The following SPTBN5 variants were observed in gnomAD, a reference collection of about 807,000 sequenced individuals.
SPTBN5 encodes the protein spectrin beta chain, non-erythrocytic 5.
Under a neutral mutation model 477.6 loss-of-function variants are expected in SPTBN5, and 513 were observed. The ratio of observed to expected loss-of-function variants is 1.07; its 90% confidence interval spans 1.00 to 1.16. SPTBN5 has a LOEUF of 1.16. Ranked by LOEUF, SPTBN5 falls within the 50% of genes most tolerant of loss-of-function variation. The pLI, the probability that SPTBN5 is intolerant of heterozygous loss-of-function variation, is 0.00. For synonymous variants in SPTBN5, 2,169 were observed against 2,011.7 expected (o/e 1.08, Z -2.09); for missense variants, 5,062 against 4,731.8 (o/e 1.07, Z -2.05).
chr15:41,868,697 C>T (rs1042505615), intron 32 of SPTBN5, 96 bp from the exon 33 acceptor site: 4 of 1,327,390 alleles, frequency 3.0e-6, no homozygotes, highest in Non-Finnish European at 4.2e-6. Flanking sequence ...TGAGTCCACT[C>T]ACACAGCCCG....
rs1256875169 is a variant in SPTBN5, at chr15:41,865,916, A to C, written c.6823-13T>G. On this transcript the variant is annotated splice_polypyrimidine_tract_variant and intron_variant, in intron 38 of 67. Coordinates refer to ENST00000320955, the MANE Select transcript of SPTBN5 (RefSeq NM_016642.4). ...TCATCTTCACCTCCTGTGAAGGCCGAGGGTGGGGAGGGAGCGCTGTGAGCA... is the reference window on the plus strand; with the variant it reads ...TCATCTTCACCTCCTGTGAAGGCCGCGGGTGGGGAGGGAGCGCTGTGAGCA... 7.0e-6 allele frequency: 11 copies of C among 1,560,546 alleles called. No homozygotes were observed. Among genetic ancestry groups the C allele is most frequent in the Non-Finnish European group, 8.7e-6 (10 of 1,152,436 alleles).
At chr15:41,862,734 G>A (rs1240657970) in intron 42 of SPTBN5, 56 bp downstream of exon 42, 3 of 1,543,436 alleles carry the variant, frequency 1.9e-6, no homozygotes, top group Non-Finnish European at 2.6e-6. Flanking sequence ...CCCCACTTGT[G>A]CCCAGGGTCC....
chr15:41,849,856 C>T lies in SPTBN5; in HGVS notation c.11012+13G>A, dbSNP rs760160665. On this transcript the variant is annotated intron_variant, in intron 67 of 67. Coordinates refer to ENST00000320955, the MANE Select transcript of SPTBN5 (RefSeq NM_016642.4). ...GGGCTCCCCGCCCTGCTTCCCCCAC[C>T]CAGGTGTCCCACCTGAGTAGACATC... is the stretch of plus-strand genomic sequence containing the variant. 7.1e-6 allele frequency: 11 copies of T among 1,555,546 alleles called. No individual in the cohort carries two copies. The highest frequency in any genetic ancestry group is 9.6e-6 in the Non-Finnish European group (11 of 1,147,474).
chr15:41,892,983 C>G lies in SPTBN5; in HGVS notation c.295G>C (p.Gly99Arg). 6.2e-7 allele frequency: 1 copy of G among 1,609,922 alleles called. No homozygotes were observed. ...HLLRLLELIS[G>R]EALPPPSRGR... Reference sequence around the variant, plus strand: ...CGGCTCGGGGGTGGCAGGGCCTCCCCTGAGATGAGCTCCAGCAGCCGCAGG... The same window carrying G: ...CGGCTCGGGGGTGGCAGGGCCTCCCGTGAGATGAGCTCCAGCAGCCGCAGG... The change falls in exon 3 of 68, where the codon GGG (glycine) becomes CGG (arginine). Residue 99 changes from glycine (G) to arginine (R), a missense_variant. Transcript: ENST00000320955.
Position 41,866,120 on chromosome 15 carries a change from C to T in SPTBN5, c.6740G>A (p.Arg2247Lys). 6.4e-7 allele frequency: 1 copy of T among 1,558,674 alleles called. No homozygotes were observed. The part of the protein sequence containing the change: ...WEDLRQAMAL[R>K]GQELEDRRNF... ...CCGCCTGTCCTCCAGCTCCTGGCCC[C>T]TGAGGGCCATTGCCTGCCTCAGGTC... Residue 2247 changes from arginine (R) to lysine (K), a missense_variant, in exon 38 of 68, where the codon AGG becomes AAG. Arg to Lys is a conservative substitution (Grantham distance 26, BLOSUM62 2). Coordinates refer to ENST00000320955, the MANE Select transcript of SPTBN5 (RefSeq NM_016642.4).
rs755314650 is a variant in SPTBN5, at chr15:41,873,500, T to G, written c.4999A>C (p.Lys1667Gln). 1.0e-5 allele frequency: 16 copies of G among 1,551,352 alleles called. No homozygotes were observed. Among genetic ancestry groups the G allele is most frequent in the Non-Finnish European group, 1.4e-5 (16 of 1,146,732 alleles). Residue 1667 changes from lysine (K) to glutamine (Q), a missense_variant, in exon 26 of 68, where the codon AAG (lysine) becomes CAG (glutamine). Coordinates refer to ENST00000320955, the MANE Select transcript of SPTBN5 (RefSeq NM_016642.4). ...DEAATLRLIN[K>Q]HQALQEELAI... ...GGCTCAGGACGTGGTACCTGGTGCT[T>G]GTTAATGAGCCTGAGGGTGGCTGCC...
chr15:41,878,019 G>A lies in SPTBN5; in HGVS notation c.3470+323C>T, dbSNP rs1187639951. On this transcript the variant is annotated intron_variant, in intron 17 of 67. Coordinates refer to ENST00000320955, the MANE Select transcript of SPTBN5 (RefSeq NM_016642.4). ...CCGCTGGGGTCCGTGTTACCAGGAC[G>A]GCAGGGGGGGCTAGACGCCCTGACT... 2.6e-5 allele frequency among the ~76,000 whole-genome samples: 4 copies of A among 152,154 alleles called. No homozygotes were observed. In the East Asian group the frequency reaches 7.7e-4, roughly 29 times the overall value.
chr15:41,876,002 C>T, intron 21 of SPTBN5, 112 bp downstream of exon 21: 1 of 1,352,962 alleles, frequency 7.4e-7, no homozygotes, highest in African/African-American at 1.4e-5. Flanking sequence ...GTTCTAGGTT[C>T]ACGCTGAGGC....
At position 41,873,901 on chromosome 15, in the gene SPTBN5, C is replaced by G. The variant is rs765600350; in HGVS notation, c.4834G>C (p.Glu1612Gln). ...QELEGHWAEL[E>Q]RACEARAQCL... ...TGGGCCCGCGCTTCACATGCCCTCT[C>G]CAGCTCTGCCCAGTGGCCTTCCAGC... The change falls in exon 25 of 68, where the codon GAG becomes CAG. Residue 1612 changes from glutamate (E) to glutamine (Q), a missense_variant. By Grantham distance (29) the Glu-to-Gln change is conservative. Coordinates refer to ENST00000320955, the MANE Select transcript of SPTBN5 (RefSeq NM_016642.4). The G allele has an allele frequency of 6.2e-7, 1 of 1,611,438 alleles. No homozygotes were observed.
chr15:41,851,721 C>T lies in SPTBN5; in HGVS notation c.10656+58G>A, dbSNP rs2065770967. ...GCCAGGCCCAGATGGCTCTTCGAGC[C>T]ACTCAAGTGCTGCTGCAAGTGGGGA... On this transcript the variant is annotated intron_variant, in intron 63 of 67. Coordinates refer to ENST00000320955, the MANE Select transcript of SPTBN5 (RefSeq NM_016642.4). 3.7e-6 allele frequency: 5 copies of T among 1,345,092 alleles called. No homozygotes were observed. The Admixed American group carries it at 8.9e-5, about 24-fold the overall frequency. 83.3% of individuals were successfully genotyped at this position (1,345,092 alleles called of 1,614,324 possible). A position where few individuals can be genotyped will look rare whatever the true frequency, so the allele number is the denominator to read the frequency against.
intron 49 of SPTBN5, 124 bp downstream of exon 49, chr15:41,858,478 C>T: frequency 8.0e-7 from 1 of 1,243,818 alleles, no homozygotes; most frequent in South Asian, 1.6e-5. Context: ...AGCCAGGTGC[C>T]TGCATGCAGA....
At chr15:41,883,623 G>A in intron 7 of SPTBN5, 137 bp from the exon 8 acceptor site, 2 of 982,762 alleles carry the variant, frequency 2.0e-6, no homozygotes, top group Non-Finnish European at 3.0e-6. Context: ...TATGGACTCT[G>A]ACAGCATCCT....
rs1304273022 is a variant in SPTBN5, at chr15:41,871,411, G to A, written c.5411C>T (p.Ala1804Val). The A allele has an allele frequency of 6.5e-7, 1 of 1,536,472 alleles. No homozygotes were observed. The highest frequency in any genetic ancestry group is 8.8e-7 in the Non-Finnish European group (1 of 1,140,274). ...AESLLERGHS[A>V]GPMVRQRQQD... Reference sequence around the variant, plus strand: ...CTGCCTCTGACGGACCATGGGGCCAGCACTGTGCCCACGCTCTAGCAGGCT... The same window carrying A: ...CTGCCTCTGACGGACCATGGGGCCAACACTGTGCCCACGCTCTAGCAGGCT... The change falls in exon 29 of 68, where the codon GCT becomes GTT. Residue 1804 changes from alanine (A) to valine (V), a missense_variant. Coordinates refer to ENST00000320955, the MANE Select transcript of SPTBN5 (RefSeq NM_016642.4).
At chr15:41,871,978 G>A (rs1463923992) in intron 27 of SPTBN5, 61 bp from the exon 28 acceptor site, 3 of 1,459,850 alleles carry the variant, frequency 2.1e-6, no homozygotes, top group Admixed American at 2.6e-5. Context: ...GGGCCAGTCG[G>A]GCCAGCCAGA....
chr15:41,866,238 A>C lies in SPTBN5; in HGVS notation c.6631-9T>G. 6.3e-7 allele frequency: 1 copy of C among 1,588,024 alleles called. No individual in the cohort carries two copies. ...AGGAGAGCCTCTCCCTTCTGGAGGG[A>C]GAGAGGGGACACAGGACATCTTGCC... On this transcript the variant is annotated splice_polypyrimidine_tract_variant and intron_variant, in intron 37 of 67. Coordinates refer to ENST00000320955, the MANE Select transcript of SPTBN5 (RefSeq NM_016642.4).
In SPTBN5 at chr15:41,876,809, GTGTGTGCAGCTGGGTGCTGGCTC is replaced by G. The variant is rs571677827; in HGVS notation, c.3828_3850del (p.Gln1276HisfsTer21). The G allele has an allele frequency of 4.1e-3, 6,593 of 1,610,038 alleles. 85 individuals are homozygous for G. The highest frequency in any genetic ancestry group is 0.035 in the South Asian group (3,228 of 90,960). The stretch of plus-strand genomic sequence containing the variant: ...TGCTGCAGACTGAGGCCAGGCTCAC[GTGTGTGCAGCTGGGTGCTGGCTC>G]TGAACCAGCTTCTCGCCGTGTGCCC... On this transcript the variant is annotated frameshift_variant and splice_region_variant, in exon 19 of 68. Transcript: ENST00000320955. LOFTEE classifies it high-confidence loss of function.
intron 7 of SPTBN5, among the ~76,000 whole-genome samples, chr15:41,884,403 A>G (rs902703083): frequency 1.3e-5 from 2 of 152,256 alleles, no homozygotes; most frequent in East Asian, 3.9e-4. Context: ...TACAGGCATG[A>G]GCCACCAGGC....
In SPTBN5 at chr15:41,874,320, C is replaced by A. The variant is rs1167848350; in HGVS notation, c.4661G>T (p.Gly1554Val). Reference sequence around the variant, plus strand: ...GTGCTTGCGGTGAAGGCTCTGGGCACCATTCAAGCACTCGGTATAGCTGGT... The same window carrying A: ...GTGCTTGCGGTGAAGGCTCTGGGCAACATTCAAGCACTCGGTATAGCTGGT... ...SPTSYTECLN[G>V]AQSLHRKHKE... is the part of the protein sequence containing the mutation. Residue 1554 changes from glycine (G) to valine (V), a missense_variant, in exon 24 of 68, where the codon GGT becomes GTT. Transcript: ENST00000320955. The A allele has an allele frequency of 6.8e-6, 11 of 1,613,294 alleles. No individual in the cohort carries two copies. The highest frequency in any genetic ancestry group is 9.3e-6 in the Non-Finnish European group (11 of 1,179,678).
chr15:41,852,611 C>G (rs553686975), intron 61 of SPTBN5, 23 bp downstream of exon 61: 7 of 1,609,080 alleles, frequency 4.4e-6, no homozygotes, highest in African/African-American at 1.3e-5. Context: ...CAGCCCTCAG[C>G]CCCTAGCCGA....
Sources: gnomAD v4.1 joint callset for allele counts (sites outside exome capture counted in the v4.1 genomes callset) on GRCh38, gnomAD v4.1.1 for gene constraint, MANE v1.5 for transcripts, NCBI Gene and HGNC (gene_info 2026-07-23, HGNC 2026-07-21) for gene names.